The following PNMA6F variants were observed in gnomAD, a reference collection of about 807,000 sequenced individuals.
PNMA6F encodes the protein paraneoplastic antigen Ma6F.
For missense variants in PNMA6F, 57 were observed against 10.8 expected (o/e 5.25, Z -5.98); for synonymous variants, 14 against 3.4 (o/e 4.15, Z -3.45).
intron 1 of PNMA6F, chrX:153,321,182 AGACCTCCCCC>A (rs1390257774): frequency 9.2e-6 from 1 of 108,687 alleles, no homozygotes; most frequent in East Asian, 2.9e-4. Context: ...GGAAGCAGAG[AGACCTCCCCC>A]GTCTCTTTTC....
At chrX:153,320,937 A>G (rs1375800853) in intron 1 of PNMA6F, among the ~76,000 whole-genome samples, 180 bp from the exon 2 acceptor site, 10 of 104,442 alleles carry the variant, frequency 9.6e-5, no homozygotes, top group Non-Finnish European at 1.8e-4. Context: ...CTTGGCACAC[A>G]CCCACCACCT....
intron 1 of PNMA6F, chrX:153,321,192 C>G (rs1190061400): frequency 9.2e-6 from 1 of 108,753 alleles, no homozygotes; most frequent in Non-Finnish European, 1.9e-5. Flanking sequence ...AGACCTCCCC[C>G]GTCTCTTTTC....
Position 153,319,104 on chromosome X carries a change from G to A in PNMA6F, c.1571C>T (p.Ala524Val), listed in dbSNP as rs2051976711. 1 of 302,168 alleles carries A rather than the reference G, an allele frequency of 3.3e-6. No individual in the cohort carries two copies. The highest frequency in any genetic ancestry group is 5.8e-6 in the Non-Finnish European group (1 of 173,418). The allele number at this position is 302,168 out of a possible 1,213,427, so 24.9% of individuals were successfully genotyped here. The change falls in exon 2 of 2, where the codon GCC becomes GTC. Residue 524 changes from alanine (A) to valine (V), a missense_variant. Transcript: ENST00000436629. Reference sequence around the variant, plus strand: ...TGGCTCCCAGCTGGGACCTCCTGGGGCCATGTCGACTGCACTGCCCATCCT... The same window carrying A: ...TGGCTCCCAGCTGGGACCTCCTGGGACCATGTCGACTGCACTGCCCATCCT... ...PARMGSAVDM[A>V]PGGPSWEPEG...
At chrX:153,320,815 A>G in intron 1 of PNMA6F, 58 bp from the exon 2 acceptor site, 1 of 287,183 alleles carries the variant, frequency 3.5e-6, no homozygotes, top group Non-Finnish European at 6.0e-6. Context: ...CACCCCCACT[A>G]CAGGCCTTTG....
At chrX:153,321,088 C>G (rs1556958935) in intron 1 of PNMA6F, 1 of 107,995 alleles carries the variant, frequency 9.3e-6, no homozygotes, top group Non-Finnish European at 1.9e-5. Context: ...TAGCTCTTCC[C>G]CCACCCAGAA....
In PNMA6F at chrX:153,319,950, C is replaced by T. The variant is rs112153704; in HGVS notation, c.725G>A (p.Arg242Gln). 2.4e-3 allele frequency: 719 copies of T among 305,034 alleles called. 4 individuals carry two copies. The highest frequency in any genetic ancestry group is 0.018 in the African/African-American group (665 of 36,697). 25.1% of individuals were successfully genotyped at this position (305,034 alleles called of 1,213,427 possible). A position where few individuals can be genotyped will look rare whatever the true frequency, so the allele number is the denominator to read the frequency against. Reference sequence around the variant, plus strand: ...GTAGGCCATAGTTTTCACCAGAGGCCGCAGGGTCTGGCGCCATGACTGGGT... The same window carrying T: ...GTAGGCCATAGTTTTCACCAGAGGCTGCAGGGTCTGGCGCCATGACTGGGT... ...AWTQSWRQTLRPLVKTMAYRE... is the reference protein window; with the variant it reads ...AWTQSWRQTLQPLVKTMAYRE... Residue 242 changes from arginine to glutamine, a missense_variant, in exon 2 of 2, where the codon CGG becomes CAG. Arg to Gln is a conservative substitution (Grantham distance 43, BLOSUM62 1). Coordinates refer to ENST00000436629, the MANE Select transcript of PNMA6F (RefSeq NM_001354980.2).
chrX:153,320,449 G>T lies in PNMA6F; in HGVS notation c.226C>A (p.Arg76Ser). The T allele has an allele frequency of 3.4e-6, 1 of 297,719 alleles. No homozygotes were observed. Among genetic ancestry groups the T allele is most frequent in the Non-Finnish European group, 5.9e-6 (1 of 170,610 alleles). 24.5% of individuals were successfully genotyped at this position (297,719 alleles called of 1,213,427 possible). ...GGTCCCCCTTTGCCTGCTATTTGGC[G>T]GGGAATCAAGCTTTGGTTTAAACCC... ...AEGLNQSLIP[R>S]QIAGKGGPWK... Residue 76 changes from arginine (R) to serine (S), a missense_variant, in exon 2 of 2, where the codon CGC (arginine) becomes AGC (serine). Arg to Ser is a moderately radical substitution (Grantham distance 110). Coordinates refer to ENST00000436629, the MANE Select transcript of PNMA6F (RefSeq NM_001354980.2).
At position 153,319,865 on chromosome X, in the gene PNMA6F, C is replaced by G. The variant is rs1232127826; in HGVS notation, c.810G>C (p.Glu270Asp). Residue 270 changes from glutamate (E) to aspartate (D), a missense_variant, in exon 2 of 2, where the codon GAG becomes GAC. Glu to Asp is a conservative substitution (Grantham distance 45). Transcript: ENST00000436629. ...TATCCTTGGCGTCCTCCAACCAGCT[C>G]TCAAAGGACTCTTCCACGCAGCCTG... ...EQPGCVEESF[E>D]SWLEDAKDML... is the part of the protein sequence containing the mutation. The G allele has an allele frequency of 5.0e-5, 15 of 301,138 alleles. No individual in the cohort carries two copies. Among genetic ancestry groups the G allele is most frequent in the African/African-American group, 1.1e-4 (4 of 36,621 alleles). The allele number at this position is 301,138 out of a possible 1,213,427, so 24.8% of individuals were successfully genotyped here.
chrX:153,320,678 C>G lies in PNMA6F; in HGVS notation c.-4G>C, dbSNP rs73245857. 3.4e-6 allele frequency: 1 copy of G among 297,230 alleles called. No individual in the cohort carries two copies. The highest frequency in any genetic ancestry group is 5.9e-6 in the Non-Finnish European group (1 of 170,258). The allele number at this position is 297,230 out of a possible 1,213,427, so 24.5% of individuals were successfully genotyped here. A position where few individuals can be genotyped will look rare whatever the true frequency, so the allele number is the denominator to read the frequency against. Reference sequence around the variant, plus strand: ...TCCTGCACCAGTCCTGAAGCATCGCCAGAGCTATCGCAGAGGACTTGAGGG... The same window carrying G: ...TCCTGCACCAGTCCTGAAGCATCGCGAGAGCTATCGCAGAGGACTTGAGGG... On this transcript the variant is annotated 5_prime_UTR_variant, in exon 2 of 2. Transcript: ENST00000436629.
chrX:153,318,936 G>C lies in PNMA6F; in HGVS notation c.*2C>G. On this transcript the variant is annotated 3_prime_UTR_variant, in exon 2 of 2. Transcript: ENST00000436629. ...GAGAGGAGCCCTCAGGGCCCTCAGA[G>C]CCTATTTGCCCGGGGGGGACTTGGG... The C allele has an allele frequency of 3.3e-6, 1 of 300,141 alleles. No individual in the cohort carries two copies. 24.7% of individuals were successfully genotyped at this position (300,141 alleles called of 1,213,427 possible).
chrX:153,320,349 T>C lies in PNMA6F; in HGVS notation c.326A>G (p.Gln109Arg), dbSNP rs1020134215. Reference sequence around the variant, plus strand: ...TGCACCTCTGGCCACTGCTTGCCCCTGGGGCTGTGCAGGGAAACTGGGTAT... The same window carrying C: ...TGCACCTCTGGCCACTGCTTGCCCCCGGGGCTGTGCAGGGAAACTGGGTAT... ...QDIPSFPAQP[Q>R]GQAVARGAGE... The change falls in exon 2 of 2, where the codon CAG becomes CGG. Residue 109 changes from glutamine to arginine, a missense_variant. Coordinates refer to ENST00000436629, the MANE Select transcript of PNMA6F (RefSeq NM_001354980.2). 21 of 302,282 alleles carry C rather than the reference T, an allele frequency of 6.9e-5. No individual in the cohort carries two copies. Among genetic ancestry groups the C allele is most frequent in the African/African-American group, 5.2e-4 (19 of 36,810 alleles). 24.9% of individuals were successfully genotyped at this position (302,282 alleles called of 1,213,427 possible). A position where few individuals can be genotyped will look rare whatever the true frequency, so the allele number is the denominator to read the frequency against.
Position 153,320,602 on chromosome X carries a change from C to T in PNMA6F, c.73G>A (p.Asp25Asn), listed in dbSNP as rs782174051. 1.4e-5 allele frequency: 4 copies of T among 295,730 alleles called. No individual in the cohort carries two copies. Among genetic ancestry groups the T allele is most frequent in the South Asian group, 2.1e-4 (1 of 4,787 alleles). 24.4% of individuals were successfully genotyped at this position (295,730 alleles called of 1,213,427 possible). A position where few individuals can be genotyped will look rare whatever the true frequency, so the allele number is the denominator to read the frequency against. ...RSLLILDIPD[D>N]CEEHEFQEAV... Reference sequence around the variant, plus strand: ...TCCTGGAACTCATGTTCCTCGCAGTCGTCAGGGATATCCAGGATGAGCAGA... The same window carrying T: ...TCCTGGAACTCATGTTCCTCGCAGTTGTCAGGGATATCCAGGATGAGCAGA... The change falls in exon 2 of 2, where the codon GAC becomes AAC. Residue 25 changes from aspartate (D) to asparagine (N), a missense_variant. Coordinates refer to ENST00000436629, the MANE Select transcript of PNMA6F (RefSeq NM_001354980.2).
At chrX:153,321,421 GC>G (rs1337346408) in intron 1 of PNMA6F, 130 bp downstream of exon 1, 3 of 77,688 alleles carry the variant, frequency 3.9e-5, no homozygotes, top group Non-Finnish European at 7.2e-5. Context: ...GCAGCCAGGA[GC>G]CCCCTCCTCC....
At position 153,319,492 on chromosome X, in the gene PNMA6F, C is replaced by T. The variant is rs2051979921; in HGVS notation, c.1183G>A (p.Glu395Lys). ...CTCCTCAGGGTATCCTGGAGTGCCTCGCTGGGGCGGGCCCGAGACAGCACC... is the reference window on the plus strand; with the variant it reads ...CTCCTCAGGGTATCCTGGAGTGCCTTGCTGGGGCGGGCCCGAGACAGCACC... ...RQVLSRARPS[E>K]ALQDTLRRMQ... is the part of the protein sequence containing the mutation. Residue 395 changes from glutamate to lysine, a missense_variant, in exon 2 of 2, where the codon GAG becomes AAG. Coordinates refer to ENST00000436629, the MANE Select transcript of PNMA6F (RefSeq NM_001354980.2). 3 of 298,122 alleles carry T rather than the reference C, an allele frequency of 1.0e-5. No homozygotes were observed. The highest frequency in any genetic ancestry group is 1.2e-5 in the Non-Finnish European group (2 of 170,422). The allele number at this position is 298,122 out of a possible 1,213,427, so 24.6% of individuals were successfully genotyped here.
rs782738093 is a variant in PNMA6F at position 153,318,536 on chromosome X, G to A, written c.*402C>T. ...GTGAGTGGGCGTCTGCTGTTCGGAC[G>A]CGTGGGTCACTATGGGGCCTACAGA... On this transcript the variant is annotated 3_prime_UTR_variant, in exon 2 of 2. Coordinates refer to ENST00000436629, the MANE Select transcript of PNMA6F (RefSeq NM_001354980.2). 317 of 124,638 alleles carry A rather than the reference G, an allele frequency of 2.5e-3. No individual in the cohort carries two copies. The highest frequency in any genetic ancestry group is 3.7e-3 in the Middle Eastern group (1 of 271). The allele number at this position is 124,638 out of a possible 1,213,427, so 10.3% of individuals were successfully genotyped here.
Position 153,321,226 on chromosome X carries a change from C to CCCTCTTTTGATCTT in PNMA6F, c.-84+312_-84+325dup, listed in dbSNP as rs1311711773. ...TCCAGCGCCAAACCAGGAGCCCCCT[C>CCCTCTTTTGATCTT]CCTCTTTTGATCTTCCTCTTTTGAT... On this transcript the variant is annotated intron_variant, in intron 1 of 1. Coordinates refer to ENST00000436629, the MANE Select transcript of PNMA6F (RefSeq NM_001354980.2). 3.0e-3 allele frequency: 318 copies of CCCTCTTTTGATCTT among 106,101 alleles called. 1 individual carries two copies. The highest frequency in any genetic ancestry group is 5.2e-3 in the Non-Finnish European group (266 of 51,183). 8.7% of individuals were successfully genotyped at this position (106,101 alleles called of 1,213,427 possible).
At chrX:153,321,044 A>C (rs1182537159) in intron 1 of PNMA6F, 1 of 107,396 alleles carries the variant, frequency 9.3e-6, no homozygotes, top group Non-Finnish European at 1.9e-5. Flanking sequence ...CATTGCAGCC[A>C]GGAGTCCTCC....
In PNMA6F at chrX:153,320,448, C is replaced by A. The variant is rs928485373; in HGVS notation, c.227G>T (p.Arg76Leu). Reference sequence around the variant, plus strand: ...GGGTCCCCCTTTGCCTGCTATTTGGCGGGGAATCAAGCTTTGGTTTAAACC... The same window carrying A: ...GGGTCCCCCTTTGCCTGCTATTTGGAGGGGAATCAAGCTTTGGTTTAAACC... ...AEGLNQSLIP[R>L]QIAGKGGPWK... The change falls in exon 2 of 2, where the codon CGC becomes CTC. Residue 76 changes from arginine (R) to leucine (L), a missense_variant. By Grantham distance (102) the Arg-to-Leu change is moderately radical. Transcript: ENST00000436629. 1 of 295,936 alleles carries A rather than the reference C, an allele frequency of 3.4e-6. No homozygotes were observed. The highest frequency in any genetic ancestry group is 5.9e-6 in the Non-Finnish European group (1 of 170,292). 24.4% of individuals were successfully genotyped at this position (295,936 alleles called of 1,213,427 possible).
rs782509985 is a variant in PNMA6F at position 153,319,929 on chromosome X, G to C, written c.746C>G (p.Ala249Gly). 6.6e-6 allele frequency: 2 copies of C among 303,924 alleles called. No individual in the cohort carries two copies. Among genetic ancestry groups the C allele is most frequent in the East Asian group, 9.5e-5 (2 of 21,122 alleles). 25.0% of individuals were successfully genotyped at this position (303,924 alleles called of 1,213,427 possible). A position where few individuals can be genotyped will look rare whatever the true frequency, so the allele number is the denominator to read the frequency against. Reference protein sequence around the residue: ...QTLRPLVKTMAYRELRPFSGR... With the variant: ...QTLRPLVKTMGYRELRPFSGR... ...GGAAAAGGGTCTCAGTTCCCGGTAGGCCATAGTTTTCACCAGAGGCCGCAG... is the reference window on the plus strand; with the variant it reads ...GGAAAAGGGTCTCAGTTCCCGGTAGCCCATAGTTTTCACCAGAGGCCGCAG... The change falls in exon 2 of 2, where the codon GCC becomes GGC. Residue 249 changes from alanine (A) to glycine (G), a missense_variant. Ala to Gly is a moderately conservative substitution (Grantham distance 60). Coordinates refer to ENST00000436629, the MANE Select transcript of PNMA6F (RefSeq NM_001354980.2).
Sources: allele counts gnomAD v4.1 joint callset (sites outside exome capture counted in the v4.1 genomes callset), GRCh38; gene constraint gnomAD v4.1.1; transcripts MANE v1.5; gene names NCBI Gene and HGNC (gene_info 2026-07-23, HGNC 2026-07-21).